Variants in SLCO1B3 observed in about 807,000 individuals in gnomAD.
SLCO1B3 encodes the protein solute carrier organic anion transporter family member 1B3.
Under a neutral mutation model 71.8 loss-of-function variants are expected in SLCO1B3, and 72 were observed. The ratio of observed to expected loss-of-function variants is 1.00; its 90% CI spans 0.83 to 1.22. The LOEUF is 1.22. SLCO1B3 is among the 50% of genes most tolerant of loss of function. SLCO1B3 has a pLI of 0.00. For synonymous variants in SLCO1B3, 298 were observed against 278.4 expected, an observed-to-expected ratio of 1.07 and a Z score of -0.70; for missense variants, 911 against 819.7, an observed-to-expected ratio of 1.11 and a Z score of -1.36.
rs1486934769 is a variant in SLCO1B3, at chr12:20,864,377, T to C, written c.727+1523T>C. Among the ~76,000 whole-genome samples the C allele has an allele frequency of 4.6e-5, 7 of 152,176 alleles. No homozygotes were observed. The South Asian group carries it at 6.2e-4, about 13-fold the overall frequency. ...ATAATAACTCATCAGGGTTTGTGAA[T>C]AAACAAATATGATTTTCTATCTCTT... On this transcript the variant is annotated intron_variant, in intron 8 of 15. Coordinates refer to ENST00000381545, the MANE Select transcript of SLCO1B3 (RefSeq NM_019844.4).
At chr12:20,843,529 C>T (rs142163538) in intron 3 of SLCO1B3, among the ~76,000 whole-genome samples, 126 of 152,152 alleles carry the variant, frequency 8.3e-4, no homozygotes, top group African/African-American at 2.3e-3. Context: ...GCCTATAATC[C>T]CAGCACTTTG....
chr12:20,862,924 T>A, intron 8 of SLCO1B3, 70 bp downstream of exon 8: 1 of 797,598 alleles, frequency 1.3e-6, no homozygotes, highest in Non-Finnish European at 2.1e-6. Flanking sequence ...TCCAAAGAAT[T>A]AAATTCAGTC....
chr12:20,880,920 A>T lies in SLCO1B3; in HGVS notation c.1397A>T (p.Asp466Val). 6.2e-7 allele frequency: 1 copy of T among 1,611,932 alleles called. No homozygotes were observed. The highest frequency in any genetic ancestry group is 8.5e-7 in the Non-Finnish European group (1 of 1,178,176). ...TATTGCAACTCAGAGTGCAATTGTG[A>T]TGAAAGTCAGTGGGAACCAGTCTGT... Reference protein sequence around the residue: ...LSYCNSECNCDESQWEPVCGN... With the variant: ...LSYCNSECNCVESQWEPVCGN... The change falls in exon 12 of 16, where the codon GAT becomes GTT. Residue 466 changes from aspartate to valine, a missense_variant. Asp to Val is a radical substitution (Grantham distance 152, BLOSUM62 -3). Coordinates refer to ENST00000381545, the MANE Select transcript of SLCO1B3 (RefSeq NM_019844.4).
intron 4 of SLCO1B3, 104 bp downstream of exon 4, chr12:20,855,273 T>G (rs533061572): frequency 1.0e-6 from 1 of 1,001,282 alleles, no homozygotes; most frequent in African/African-American, 1.6e-5. Flanking sequence ...TGTAAATTTG[T>G]CTCTCATGGG....
At chr12:20,862,881 T>G (rs16923270) in intron 8 of SLCO1B3, 27 bp downstream of exon 8, 56,827 of 1,275,532 alleles carry the variant, frequency 0.045, 1,916 homozygotes, top group East Asian at 0.15. Flanking sequence ...CAAGGTACCA[T>G]GATAGTGTCT....
At chr12:20,907,665 C>T (rs983120215) in intron 15 of SLCO1B3, among the ~76,000 whole-genome samples, 1 of 151,582 alleles carries the variant, frequency 6.6e-6, no homozygotes, top group African/African-American at 2.4e-5. Flanking sequence ...CCCGCCATTA[C>T]GGCAGGCTAA....
At chr12:20,837,904 C>A (rs182026298) in intron 3 of SLCO1B3, among the ~76,000 whole-genome samples, 2 of 152,054 alleles carry the variant, frequency 1.3e-5, no homozygotes, top group East Asian at 3.9e-4. Context: ...TGGATTTGTT[C>A]CCTTCCCACA....
At chr12:20,897,028 A>T (rs896379906) in intron 13 of SLCO1B3, among the ~76,000 whole-genome samples, 2 of 152,108 alleles carry the variant, frequency 1.3e-5, no homozygotes, top group African/African-American at 4.8e-5. Flanking sequence ...TGCCCCTATG[A>T]TTCAATTATC....
intron 15 of SLCO1B3, among the ~76,000 whole-genome samples, chr12:20,911,485 A>G (rs189363714): frequency 1.3e-5 from 2 of 152,252 alleles, no homozygotes; most frequent in Non-Finnish European, 2.9e-5. Context: ...TGCTGCTTCT[A>G]TTCCTCTGTA....
chr12:20,834,194 A>G (rs1864620647), intron 3 of SLCO1B3, among the ~76,000 whole-genome samples: 1 of 145,954 alleles, frequency 6.9e-6, no homozygotes, highest in South Asian at 2.2e-4. Context: ...AAACATATAT[A>G]AACTATATAT....
intron 3 of SLCO1B3, among the ~76,000 whole-genome samples, chr12:20,820,235 G>A (rs543633949): frequency 6.6e-6 from 1 of 152,184 alleles, no homozygotes; most frequent in East Asian, 1.9e-4. Flanking sequence ...CGTCCGTGAT[G>A]GTCTATGGGG....
chr12:20,859,913 T>G (rs535141629), intron 5 of SLCO1B3, among the ~76,000 whole-genome samples: 103 of 152,112 alleles, frequency 6.8e-4, no homozygotes, highest in Middle Eastern at 3.4e-3. Flanking sequence ...TGTGAAGTTT[T>G]CTTTGATCTA....
intron 8 of SLCO1B3, among the ~76,000 whole-genome samples, chr12:20,868,969 A>G (rs972101908): frequency 1.2e-4 from 19 of 152,128 alleles, no homozygotes; most frequent in African/African-American, 4.6e-4. Flanking sequence ...TACTACTGCT[A>G]TCTAGAAGGC....
intron 3 of SLCO1B3, among the ~76,000 whole-genome samples, chr12:20,839,374 T>C (rs1270531419): frequency 2.0e-5 from 3 of 152,114 alleles, no homozygotes; most frequent in African/African-American, 7.2e-5. Context: ...AATTTTTGTT[T>C]ATCTGAGAAA....
intron 3 of SLCO1B3, among the ~76,000 whole-genome samples, chr12:20,824,129 A>T (rs1864374335): frequency 6.6e-6 from 1 of 152,246 alleles, no homozygotes. Context: ...TGCTCATAAG[A>T]ACAAATTTTA....
chr12:20,867,069 T>C (rs1865387278), intron 8 of SLCO1B3, among the ~76,000 whole-genome samples: 1 of 152,120 alleles, frequency 6.6e-6, no homozygotes, highest in Admixed American at 6.5e-5. Flanking sequence ...TTGGCAATGC[T>C]CTTGGTCATC....
At chr12:20,850,688 TA>T (rs1865009731) in intron 3 of SLCO1B3, among the ~76,000 whole-genome samples, 1 of 152,196 alleles carries the variant, frequency 6.6e-6, no homozygotes, top group Non-Finnish European at 1.5e-5. Flanking sequence ...CCACAATGTC[TA>T]TTGTTCCCTT....
At chr12:20,831,972 C>G (rs1639883587) in intron 3 of SLCO1B3, among the ~76,000 whole-genome samples, 1 of 152,068 alleles carries the variant, frequency 6.6e-6, no homozygotes, top group South Asian at 2.1e-4. Context: ...TGAAAAAAAC[C>G]TAGGTATGGA....
chr12:20,904,208 G>C (rs2196016), intron 15 of SLCO1B3, among the ~76,000 whole-genome samples: 110,096 of 150,466 alleles, frequency 0.73, 43,656 homozygotes, highest in South Asian at 0.94. Flanking sequence ...CCACTACACT[G>C]CAGCCTGGGC....
Sources: allele counts gnomAD v4.1 joint callset (sites outside exome capture counted in the v4.1 genomes callset), GRCh38; gene constraint gnomAD v4.1.1; transcripts MANE v1.5; gene names NCBI Gene and HGNC (gene_info 2026-07-23, HGNC 2026-07-21).